The following RBFOX1 variants were observed in gnomAD, a reference collection of about 807,000 sequenced individuals.
RBFOX1 encodes RNA binding fox-1 homolog 1.
A neutral mutation model predicts 57.7 loss-of-function variants in RBFOX1; 8 were observed. That is an observed-to-expected ratio of 0.14 (90% CI 0.08 to 0.25). RBFOX1 has a LOEUF of 0.25. RBFOX1 is among the 10% of genes least tolerant of loss of function. The pLI, the probability that RBFOX1 is intolerant of heterozygous loss-of-function variation, is 1.00. For missense variants in RBFOX1, 611 were observed against 548.5 expected (o/e 1.11, Z -1.14); for synonymous variants, 326 against 222.4 (o/e 1.47, Z -4.15).
intron 4 of RBFOX1, among the ~76,000 whole-genome samples, chr16:5,936,660 A>T (rs976538615): frequency 1.2e-4 from 18 of 152,216 alleles, no homozygotes; most frequent in Admixed American, 1.3e-4. Flanking sequence ...GTACCTTTCA[A>T]CTTGTAATTG....
chr16:7,705,999 G>A (rs1045194871), intron 14 of RBFOX1, among the ~76,000 whole-genome samples: 1 of 152,168 alleles, frequency 6.6e-6, no homozygotes. Flanking sequence ...GCGACCGTAA[G>A]ACCTCTTCCC....
intron 3 of RBFOX1, among the ~76,000 whole-genome samples, chr16:7,005,786 G>A (rs940957389): frequency 6.6e-6 from 1 of 152,170 alleles, no homozygotes; most frequent in African/African-American, 2.4e-5. Context: ...ATCGCAAGAT[G>A]ACCATTCATC....
chr16:6,841,366 T>C lies in RBFOX1; in HGVS notation c.-16+186716T>C, dbSNP rs28535348. On this transcript the variant is annotated intron_variant, in intron 3 of 15. Transcript: ENST00000550418. ...GAAGAATGTTAGACAGGAATAAAGT[T>C]GAAATAGCCTCACTCACACTAAAGA... Among the ~76,000 whole-genome samples, 1,222 of 152,276 alleles carry C rather than the reference T, an allele frequency of 8.0e-3. 15 individuals carry two copies. The highest frequency in any genetic ancestry group is 0.028 in the African/African-American group (1,160 of 41,546).
intron 4 of RBFOX1, among the ~76,000 whole-genome samples, chr16:7,064,164 T>G (rs1299763360): frequency 8.7e-5 from 1 of 11,430 alleles, no homozygotes. Flanking sequence ...TGGTGTTCTT[T>G]TTTTTTTTTT....
chr16:5,824,480 G>A (rs1465912562), intron 3 of RBFOX1, among the ~76,000 whole-genome samples: 1 of 152,190 alleles, frequency 6.6e-6, no homozygotes, highest in Admixed American at 6.5e-5. Context: ...CAGGGCCCCA[G>A]TTATGCTCTC....
chr16:6,943,222 A>G (rs906373122), intron 3 of RBFOX1, among the ~76,000 whole-genome samples: 1 of 152,230 alleles, frequency 6.6e-6, no homozygotes, highest in Non-Finnish European at 1.5e-5. Flanking sequence ...ATAAGGTTAT[A>G]GAGCCCTCAA....
At chr16:6,129,044 C>A (rs763857941) in intron 1 of RBFOX1, among the ~76,000 whole-genome samples, 1 of 152,152 alleles carries the variant, frequency 6.6e-6, no homozygotes, top group Non-Finnish European at 1.5e-5. Context: ...AATTCAGCAC[C>A]TTTCAGAAGA....
At chr16:6,498,336 A>G (rs559114759) in intron 2 of RBFOX1, among the ~76,000 whole-genome samples, 2 of 152,112 alleles carry the variant, frequency 1.3e-5, no homozygotes, top group African/African-American at 2.4e-5. Context: ...ATTTAGAGAG[A>G]CTTATGAGCA....
chr16:5,840,946 T>C (rs2056605855), intron 3 of RBFOX1, among the ~76,000 whole-genome samples: 1 of 152,160 alleles, frequency 6.6e-6, no homozygotes, highest in Non-Finnish European at 1.5e-5. Flanking sequence ...TCTAAGCTCT[T>C]AGGCTATTGC....
chr16:6,808,238 C>G lies in RBFOX1; in HGVS notation c.-16+153588C>G, dbSNP rs138164904. On this transcript the variant is annotated intron_variant, in intron 3 of 15. Transcript: ENST00000550418. Reference sequence around the variant, plus strand: ...TATGCACTAGCTTCCAGCATGTAGCCTTTATATTCTACTGATGCCCCATCA... The same window carrying G: ...TATGCACTAGCTTCCAGCATGTAGCGTTTATATTCTACTGATGCCCCATCA... Among the ~76,000 whole-genome samples, 15 of 150,530 alleles carry G rather than the reference C, an allele frequency of 1.0e-4. No individual in the cohort carries two copies. In the East Asian group the frequency reaches 2.6e-3, roughly 26 times the overall value.
chr16:6,357,912 G>C (rs1013631559), intron 2 of RBFOX1, among the ~76,000 whole-genome samples: 1 of 150,144 alleles, frequency 6.7e-6, no homozygotes, highest in Admixed American at 6.7e-5. Flanking sequence ...AGCTGAGATC[G>C]TGCCACTTCA....
intron 4 of RBFOX1, among the ~76,000 whole-genome samples, chr16:7,196,654 A>G (rs2086774450): frequency 6.6e-6 from 1 of 152,166 alleles, no homozygotes; most frequent in African/African-American, 2.4e-5. Flanking sequence ...GGCAAAGGAG[A>G]CAGGCATGTG....
At chr16:5,812,986 A>G (rs546915426) in intron 3 of RBFOX1, among the ~76,000 whole-genome samples, 13 of 149,856 alleles carry the variant, frequency 8.7e-5, no homozygotes, top group South Asian at 2.1e-4. Context: ...TATACATAAC[A>G]TAAAGTCTAT....
intron 2 of RBFOX1, among the ~76,000 whole-genome samples, chr16:6,325,835 T>C (rs1445095570): frequency 6.6e-6 from 1 of 152,234 alleles, no homozygotes; most frequent in Non-Finnish European, 1.5e-5. Context: ...CTAAAATATA[T>C]GCCTAGTTTC....
intron 4 of RBFOX1, among the ~76,000 whole-genome samples, chr16:5,973,545 T>C (rs1315915213): frequency 6.6e-6 from 1 of 152,198 alleles, no homozygotes; most frequent in Non-Finnish European, 1.5e-5. Context: ...AGTCTCGATT[T>C]ATTACTTTTG....
At position 7,641,220 on chromosome 16, in the gene RBFOX1, G is replaced by A. The variant is rs2062735797; in HGVS notation, c.757+10537G>A. Reference sequence around the variant, plus strand: ...AATGTGTCCAACCATAGAGGTGGCTGCTGCTTCTTCCCTTGCCTTATTTCT... The same window carrying A: ...AATGTGTCCAACCATAGAGGTGGCTACTGCTTCTTCCCTTGCCTTATTTCT... On this transcript the variant is annotated intron_variant, in intron 11 of 15. Coordinates refer to ENST00000550418, the MANE Select transcript of RBFOX1 (RefSeq NM_018723.4). Among the ~76,000 whole-genome samples, 5 of 152,334 alleles carry A rather than the reference G, an allele frequency of 3.3e-5. No homozygotes were observed. In the South Asian group the frequency reaches 1.0e-3, roughly 32 times the overall value.
In RBFOX1 at chr16:6,502,186, C is replaced by T. The variant is rs758250587; in HGVS notation, c.-63-152417C>T. 9.2e-5 allele frequency among the ~76,000 whole-genome samples: 14 copies of T among 152,132 alleles called. No homozygotes were observed. The East Asian group carries it at 2.7e-3, about 29-fold the overall frequency. Reference sequence around the variant, plus strand: ...TAGGAGGATGTAGAGAAATTTTGTGCTTCTGTTATATCTTTCTCATGGGGA... The same window carrying T: ...TAGGAGGATGTAGAGAAATTTTGTGTTTCTGTTATATCTTTCTCATGGGGA... On this transcript the variant is annotated intron_variant, in intron 2 of 15. Transcript: ENST00000550418.
chr16:5,921,963 G>A (rs1398025055), intron 4 of RBFOX1, among the ~76,000 whole-genome samples: 1 of 151,506 alleles, frequency 6.6e-6, no homozygotes, highest in Non-Finnish European at 1.5e-5. Flanking sequence ...ACTAGCATGA[G>A]CAACACAGCT....
At chr16:7,046,164 T>C (rs939989975) in intron 3 of RBFOX1, among the ~76,000 whole-genome samples, 1 of 152,228 alleles carries the variant, frequency 6.6e-6, no homozygotes, top group Admixed American at 6.5e-5. Context: ...AGCCATTTAG[T>C]TTATATTTTA....
Sources: gnomAD v4.1 joint callset for allele counts (sites outside exome capture counted in the v4.1 genomes callset) on GRCh38, gnomAD v4.1.1 for gene constraint, MANE v1.5 for transcripts, NCBI Gene and HGNC (gene_info 2026-07-23, HGNC 2026-07-21) for gene names.